Variants in SWT1 observed in about 807,000 individuals in gnomAD.
SWT1 encodes SWT1 RNA endoribonuclease homolog.
Under a neutral mutation model 107.3 loss-of-function variants are expected in SWT1, and 33 were observed. That is an observed-to-expected ratio of 0.31 (90% CI 0.23 to 0.41). SWT1 has a LOEUF of 0.41. Ranked by LOEUF, SWT1 falls within the 10% of genes least tolerant of loss-of-function variation. The probability of loss-of-function intolerance (pLI) is 1.00; values close to 1 mark genes in which losing one functional copy is unlikely to be tolerated. For missense variants in SWT1, 898 were observed against 1,028.9 expected (o/e 0.87, Z 1.74); for synonymous variants, 345 against 348.3 (o/e 0.99, Z 0.11).
chr1:185,183,118 CAA>C (rs890303465), intron 7 of SWT1, among the ~76,000 whole-genome samples: 1 of 140,842 alleles, frequency 7.1e-6, no homozygotes, highest in African/African-American at 2.6e-5. Flanking sequence ...GTCTGGGCAA[CAA>C]GAGCAAAAAT....
At chr1:185,220,138 CAAAAAAAAAA>C (rs34674504) in intron 14 of SWT1, among the ~76,000 whole-genome samples, 1 of 45,636 alleles carries the variant, frequency 2.2e-5, no homozygotes, top group Non-Finnish European at 3.7e-5. Context: ...GACCCTGTCT[CAAAAAAAAAA>C]AAAAAAAAAA....
intron 16 of SWT1, among the ~76,000 whole-genome samples, chr1:185,255,489 G>T (rs529382812): frequency 2.2e-4 from 29 of 130,350 alleles, no homozygotes; most frequent in African/African-American, 8.5e-4. Flanking sequence ...ATATATTTAG[G>T]ATAGTTAGCT....
At chr1:185,269,112 A>G (rs1021787839) in intron 16 of SWT1, among the ~76,000 whole-genome samples, 2 of 152,036 alleles carry the variant, frequency 1.3e-5, no homozygotes, top group South Asian at 2.1e-4. Flanking sequence ...TCAGCCTCCC[A>G]AAGTGCTGGG....
intron 15 of SWT1, among the ~76,000 whole-genome samples, chr1:185,228,956 G>A (rs1032078977): frequency 2.0e-5 from 3 of 152,214 alleles, no homozygotes; most frequent in African/African-American, 7.2e-5. Flanking sequence ...AGGGGGCAGA[G>A]TAGGAGGAGA....
intron 16 of SWT1, among the ~76,000 whole-genome samples, chr1:185,252,917 T>C (rs796353442): frequency 6.9e-6 from 1 of 145,808 alleles, no homozygotes; most frequent in South Asian, 2.3e-4. Context: ...TGGTTTTAGG[T>C]CTAACGTTTA....
At chr1:185,250,958 C>A (rs527391967) in intron 16 of SWT1, among the ~76,000 whole-genome samples, 1 of 152,126 alleles carries the variant, frequency 6.6e-6, no homozygotes, top group Admixed American at 6.6e-5. Context: ...CCACTGCACC[C>A]GGCCTGGAAA....
At chr1:185,211,650 A>G (rs1658818254) in intron 13 of SWT1, among the ~76,000 whole-genome samples, 1 of 152,228 alleles carries the variant, frequency 6.6e-6, no homozygotes, top group Non-Finnish European at 1.5e-5. Context: ...CAGTGTGACG[A>G]TTCCTCAGGG....
chr1:185,218,331 G>C (rs774822151), intron 14 of SWT1, among the ~76,000 whole-genome samples: 2 of 151,988 alleles, frequency 1.3e-5, no homozygotes, highest in Non-Finnish European at 2.9e-5. Context: ...TGGGAGACAG[G>C]GTCTCGCTTT....
At chr1:185,192,937 C>T (rs1461716816) in intron 10 of SWT1, among the ~76,000 whole-genome samples, 5 of 152,094 alleles carry the variant, frequency 3.3e-5, no homozygotes, top group African/African-American at 9.7e-5. Flanking sequence ...TATGAGCCAC[C>T]GCGCCTGGCC....
intron 16 of SWT1, among the ~76,000 whole-genome samples, chr1:185,247,865 T>G (rs1165418431): frequency 6.6e-6 from 1 of 151,070 alleles, no homozygotes; most frequent in Non-Finnish European, 1.5e-5. Flanking sequence ...TCTAGAAGTG[T>G]TTTTTTTTCC....
In SWT1 at chr1:185,288,582, A is replaced by G. The variant is rs192887747; in HGVS notation, c.2574-2092A>G. Among the ~76,000 whole-genome samples the G allele has an allele frequency of 6.6e-5, 10 of 152,238 alleles. No individual in the cohort carries two copies. The East Asian group carries it at 1.9e-3, about 29-fold the overall frequency. ...GGGAGGGGCAGTGGGAGAGGTAGCT[A>G]GTGGTTCTCTCCAACACCATGAATA... On this transcript the variant is annotated intron_variant, in intron 18 of 18. Transcript: ENST00000367500.
rs752301748 is a variant in SWT1, at chr1:185,174,772, A to T, written c.625A>T (p.Asn209Tyr). Residue 209 changes from asparagine (N) to tyrosine (Y), a missense_variant, in exon 5 of 19, where the codon AAT becomes TAT. By Grantham distance (143) the Asn-to-Tyr change is moderately radical (BLOSUM62 -2). Transcript: ENST00000367500. ...EKCVLEKWKRNQFSQDYNSNK... is the reference protein window; with the variant it reads ...EKCVLEKWKRYQFSQDYNSNK... Reference sequence around the variant, plus strand: ...ATGTGTCTTAGAGAAATGGAAGAGAAATCAATTTTCTCAGGATTATAACTC... The same window carrying T: ...ATGTGTCTTAGAGAAATGGAAGAGATATCAATTTTCTCAGGATTATAACTC... 1.9e-6 allele frequency: 3 copies of T among 1,610,640 alleles called. No homozygotes were observed. The highest frequency in any genetic ancestry group is 1.7e-6 in the Non-Finnish European group (2 of 1,179,304).
At position 185,174,819 on chromosome 1, in the gene SWT1, C is replaced by T. The variant is rs1020127272; in HGVS notation, c.672C>T (p.Pro224=). 6.8e-6 allele frequency: 11 copies of T among 1,613,604 alleles called. No individual in the cohort carries two copies. Among genetic ancestry groups the T allele is most frequent in the Non-Finnish European group, 8.5e-6 (10 of 1,179,928 alleles). The change falls in exon 5 of 19, where the codon CCC becomes CCT. Residue 224 remains proline, a synonymous_variant. Transcript: ENST00000367500. ...ACTCCAACAAGATAATTAAGGAACC[C>T]TTGGGATCTAGAAGACAGAAGATCA... is the stretch of plus-strand genomic sequence containing the variant. The part of the protein sequence containing the change: ...DYNSNKIIKE[P]LGSRRQKISF...
At chr1:185,170,220 C>T (rs895469401) in intron 4 of SWT1, among the ~76,000 whole-genome samples, 2 of 152,106 alleles carry the variant, frequency 1.3e-5, no homozygotes, top group African/African-American at 2.4e-5. Flanking sequence ...TTTTATACAC[C>T]GTAAATTCTA....
At chr1:185,195,605 C>G (rs554708720) in intron 10 of SWT1, among the ~76,000 whole-genome samples, 195 of 152,272 alleles carry the variant, frequency 1.3e-3, no homozygotes, top group African/African-American at 4.4e-3. Flanking sequence ...CTAATTTACA[C>G]TCCCACCAAC....
Position 185,207,040 on chromosome 1 carries a change from T to C in SWT1, c.1972+277T>C, listed in dbSNP as rs370990126. On this transcript the variant is annotated intron_variant, in intron 13 of 18. Transcript: ENST00000367500. Reference sequence around the variant, plus strand: ...CAAAATATTGTGAATATATAATTTTTGATGATGTCTACTTTGAAAACTTTT... The same window carrying C: ...CAAAATATTGTGAATATATAATTTTCGATGATGTCTACTTTGAAAACTTTT... 1.9e-4 allele frequency among the ~76,000 whole-genome samples: 29 copies of C among 152,350 alleles called. 1 individual carries two copies. In the East Asian group the frequency reaches 5.6e-3, roughly 29 times the overall value.
intron 13 of SWT1, among the ~76,000 whole-genome samples, chr1:185,212,803 C>CA (rs71555460): frequency 0.47 from 60,949 of 129,968 alleles, 13,756 homozygotes; most frequent in African/African-American, 0.64. Flanking sequence ...AACTCTGTCT[C>CA]AAAAAAAAAA....
chr1:185,176,613 T>C, intron 5 of SWT1: 2 of 984,854 alleles, frequency 2.0e-6, no homozygotes, highest in Non-Finnish European at 2.4e-6. Context: ...CTTGGAATTT[T>C]AGAACTTCAG....
chr1:185,237,737 A>T (rs1054295084), intron 16 of SWT1, among the ~76,000 whole-genome samples: 25 of 152,102 alleles, frequency 1.6e-4, no homozygotes, highest in African/African-American at 4.6e-4. Flanking sequence ...GTTGGGCCCT[A>T]CCTTAATCCT....
Sources: gnomAD v4.1 joint callset for allele counts (sites outside exome capture counted in the v4.1 genomes callset) on GRCh38, gnomAD v4.1.1 for gene constraint, MANE v1.5 for transcripts, NCBI Gene and HGNC (gene_info 2026-07-23, HGNC 2026-07-21) for gene names.